The following CEP85L variants were observed in gnomAD, a reference collection of about 807,000 sequenced individuals.
CEP85L encodes the protein centrosomal protein 85L, also known as centrosomal protein of 85 kDa-like.
In CEP85L, 60 loss-of-function variants were observed where a neutral mutation model predicts 100.3. That is an observed-to-expected ratio of 0.60 (90% CI 0.49 to 0.74). The LOEUF is 0.74. Among genes scored for constraint, CEP85L ranks in the 30% least tolerant of loss-of-function variants. CEP85L has a pLI of 0.00. For missense variants in CEP85L, 973 were observed against 936.2 expected (o/e 1.04, Z -0.51); for synonymous variants, 319 against 322.7 (o/e 0.99, Z 0.12).
intron 2 of CEP85L, among the ~76,000 whole-genome samples, chr6:118,613,913 T>C (rs1270517418): frequency 1.3e-5 from 2 of 152,124 alleles, no homozygotes; most frequent in Admixed American, 6.5e-5. Context: ...TTAACCCTGA[T>C]ATCCAGAGAG....
intron 1 of CEP85L, among the ~76,000 whole-genome samples, chr6:118,680,667 A>G (rs1371173902): frequency 6.6e-6 from 1 of 152,092 alleles, no homozygotes; most frequent in Non-Finnish European, 1.5e-5. Flanking sequence ...GCTTCAGCCC[A>G]GGAGTTGGAG....
chr6:118,626,541 T>G (rs890137808), intron 2 of CEP85L, among the ~76,000 whole-genome samples: 3 of 152,204 alleles, frequency 2.0e-5, no homozygotes, highest in Non-Finnish European at 4.4e-5. Context: ...ACAAAATAAT[T>G]TACTGCCTTT....
At chr6:118,614,062 G>A (rs1202693258) in intron 2 of CEP85L, among the ~76,000 whole-genome samples, 1 of 152,052 alleles carries the variant, frequency 6.6e-6, no homozygotes, top group Non-Finnish European at 1.5e-5. Context: ...GGGATAAAAA[G>A]TTCGTTAAAC....
At chr6:118,616,198 A>T (rs1311792961) in intron 2 of CEP85L, among the ~76,000 whole-genome samples, 1 of 152,208 alleles carries the variant, frequency 6.6e-6, no homozygotes, top group East Asian at 1.9e-4. Flanking sequence ...ATAAAGGGAA[A>T]AAACCAGTAC....
intron 5 of CEP85L, among the ~76,000 whole-genome samples, chr6:118,493,810 G>A (rs73766519): frequency 0.033 from 5,074 of 152,144 alleles, 285 homozygotes; most frequent in African/African-American, 0.12. Context: ...TAGAGCCTAT[G>A]ATTATTATTT....
chr6:118,622,090 A>G (rs1433653772), intron 2 of CEP85L, among the ~76,000 whole-genome samples: 1 of 152,212 alleles, frequency 6.6e-6, no homozygotes, highest in Non-Finnish European at 1.5e-5. Flanking sequence ...GGGCATACCT[A>G]AGTAAGGAAA....
chr6:118,468,314 T>A (rs771602299), intron 12 of CEP85L, among the ~76,000 whole-genome samples: 2 of 152,138 alleles, frequency 1.3e-5, no homozygotes, highest in Non-Finnish European at 2.9e-5. Context: ...AACCATAATA[T>A]TAGGCAGCTA....
intron 2 of CEP85L, among the ~76,000 whole-genome samples, chr6:118,578,906 GT>G (rs1405443802): frequency 6.6e-6 from 1 of 151,966 alleles, no homozygotes; most frequent in Non-Finnish European, 1.5e-5. Context: ...TTTTGTTTGA[GT>G]TTTTTTGAGA....
chr6:118,612,584 C>A (rs549887238), intron 2 of CEP85L, among the ~76,000 whole-genome samples: 181 of 142,050 alleles, frequency 1.3e-3, no homozygotes, highest in African/African-American at 4.3e-3. Flanking sequence ...ATGGTGTGAA[C>A]CAGGAGGCGG....
chr6:118,666,824 A>G (rs1776147469), intron 1 of CEP85L, among the ~76,000 whole-genome samples: 1 of 152,126 alleles, frequency 6.6e-6, no homozygotes, highest in Non-Finnish European at 1.5e-5. Flanking sequence ...CTCCCTGAAA[A>G]TGACCCCAGC....
chr6:118,524,005 A>G (rs12203844), intron 3 of CEP85L, 85 bp from the exon 4 acceptor site: 48,377 of 537,176 alleles, frequency 0.09, 2,737 homozygotes, highest in African/African-American at 0.19. Flanking sequence ...AAAGATTTAT[A>G]TTAAAAAAAA....
At chr6:118,625,523 T>G (rs1174636875) in intron 2 of CEP85L, among the ~76,000 whole-genome samples, 1 of 152,224 alleles carries the variant, frequency 6.6e-6, no homozygotes, top group Non-Finnish European at 1.5e-5. Context: ...GCCAATTCCC[T>G]GATGACCCTA....
intron 2 of CEP85L, among the ~76,000 whole-genome samples, chr6:118,610,855 A>G (rs1562307319): frequency 6.6e-6 from 1 of 152,244 alleles, no homozygotes; most frequent in Non-Finnish European, 1.5e-5. Context: ...TGGCAGCCAG[A>G]AAGAAGAAGA....
intron 1 of CEP85L, among the ~76,000 whole-genome samples, chr6:118,689,704 C>A (rs937200174): frequency 2.0e-5 from 3 of 152,110 alleles, no homozygotes; most frequent in African/African-American, 7.2e-5. Flanking sequence ...AAGAACCAAC[C>A]ATTTTGTTTT....
rs898763959 is a variant in CEP85L, at chr6:118,650,617, T to C, written c.73+580A>G. 8.5e-5 allele frequency among the ~76,000 whole-genome samples: 13 copies of C among 152,176 alleles called. No homozygotes were observed. In the East Asian group the frequency reaches 2.5e-3, roughly 30 times the overall value. The stretch of plus-strand genomic sequence containing the variant: ...CGGCGACCAGGTTCCTCCGAGGGGC[T>C]GAAGTTCCCTTGGGGGTGGCTGAGA... On this transcript the variant is annotated intron_variant, in intron 1 of 12. Coordinates refer to ENST00000368491, the MANE Select transcript of CEP85L (RefSeq NM_001042475.3).
At chr6:118,583,603 A>G (rs1050739254) in intron 2 of CEP85L, among the ~76,000 whole-genome samples, 2 of 152,190 alleles carry the variant, frequency 1.3e-5, no homozygotes, top group Non-Finnish European at 2.9e-5. Flanking sequence ...TTAAGGAAGA[A>G]TAGGTTGAGC....
intron 2 of CEP85L, among the ~76,000 whole-genome samples, chr6:118,593,273 T>C (rs535638759): frequency 2.0e-5 from 3 of 151,944 alleles, no homozygotes; most frequent in African/African-American, 7.2e-5. Flanking sequence ...ACTCTGTGAA[T>C]ATACTAAAAG....
chr6:118,561,847 C>T (rs906113670), intron 3 of CEP85L, among the ~76,000 whole-genome samples: 2 of 152,090 alleles, frequency 1.3e-5, no homozygotes, highest in African/African-American at 2.4e-5. Context: ...CAAGTCCAGA[C>T]ACACAAGAGG....
At chr6:118,653,157 C>T (rs1465293574), upstream of CEP85L, among the ~76,000 whole-genome samples, 1 of 152,016 alleles carries the variant, frequency 6.6e-6, no homozygotes, top group East Asian at 1.9e-4. Context: ...ATCGTTTACT[C>T]GGGTTTTCTA....
Sources: allele counts gnomAD v4.1 joint callset (sites outside exome capture counted in the v4.1 genomes callset), GRCh38; gene constraint gnomAD v4.1.1; transcripts MANE v1.5; gene names NCBI Gene and HGNC (gene_info 2026-07-23, HGNC 2026-07-21).